Variants in TRAPPC12 observed in about 807,000 individuals in gnomAD.
The protein encoded by TRAPPC12 is TPR repeat protein 15.
In TRAPPC12, 61 loss-of-function variants were observed where a neutral mutation model predicts 69.2. That is an observed-to-expected ratio of 0.88 (90% CI 0.72 to 1.09). The LOEUF is 1.09. Among genes scored for constraint, TRAPPC12 ranks in the 50% least tolerant of loss-of-function variants. The probability of loss-of-function intolerance (pLI) is 0.00; values close to 1 mark genes in which losing one functional copy is unlikely to be tolerated. For synonymous variants in TRAPPC12, 469 were observed against 438.9 expected (o/e 1.07, Z -0.86); for missense variants, 1,101 against 1,016.4 (o/e 1.08, Z -1.13).
chr2:3,428,654 C>T (rs1663253098), intron 5 of TRAPPC12, among the ~76,000 whole-genome samples: 1 of 152,228 alleles, frequency 6.6e-6, no homozygotes, highest in Admixed American at 6.5e-5. Flanking sequence ...TCAAATCTAG[C>T]AATTTCAGTC....
At chr2:3,398,714 C>T (rs772437009) in intron 2 of TRAPPC12, among the ~76,000 whole-genome samples, 3 of 152,234 alleles carry the variant, frequency 2.0e-5, no homozygotes, top group Non-Finnish European at 4.4e-5. Flanking sequence ...GCCCTAACCG[C>T]CTGTCAGCCG....
intron 8 of TRAPPC12, chr2:3,462,809 C>A: frequency 4.6e-6 from 2 of 438,778 alleles, no homozygotes; most frequent in South Asian, 3.2e-5. Flanking sequence ...TGGGCCCCCC[C>A]TCCCCCGGGT....
At position 3,388,212 on chromosome 2, in the gene TRAPPC12, C is replaced by G; in HGVS notation, c.589C>G (p.Pro197Ala). 1 of 1,609,062 alleles carries G rather than the reference C, an allele frequency of 6.2e-7. No individual in the cohort carries two copies. The highest frequency in any genetic ancestry group is 8.5e-7 in the Non-Finnish European group (1 of 1,177,902). ...GASEASARTP[P>A]QVVQPSPSLS... The stretch of plus-strand genomic sequence containing the variant: ...CAGCGAGGCCTCGGCCAGGACACCG[C>G]CCCAGGTCGTGCAGCCCAGCCCCAG... The change falls in exon 2 of 12, where the codon CCC (proline) becomes GCC (alanine). Residue 197 changes from proline (P) to alanine (A), a missense_variant. Coordinates refer to ENST00000324266, the MANE Select transcript of TRAPPC12 (RefSeq NM_016030.6).
chr2:3,453,866 T>A (rs759598768), intron 6 of TRAPPC12, among the ~76,000 whole-genome samples: 1 of 152,230 alleles, frequency 6.6e-6, no homozygotes, highest in South Asian at 2.1e-4. Context: ...TGTAAATTAA[T>A]GTACTGTTAC....
At chr2:3,417,597 C>T (rs1000676228) in intron 3 of TRAPPC12, among the ~76,000 whole-genome samples, 4 of 152,252 alleles carry the variant, frequency 2.6e-5, no homozygotes, top group African/African-American at 7.2e-5. Flanking sequence ...TGTGTCCCCC[C>T]GAGCCTAGCA....
chr2:3,401,658 T>C (rs1240822803), intron 2 of TRAPPC12, 119 bp from the exon 3 acceptor site: 1 of 550,582 alleles, frequency 1.8e-6, no homozygotes, highest in Non-Finnish European at 3.2e-6. Context: ...CTATAACCGT[T>C]ACTTTTACCT....
chr2:3,417,808 C>T (rs1476161881), intron 3 of TRAPPC12, among the ~76,000 whole-genome samples: 1 of 151,952 alleles, frequency 6.6e-6, no homozygotes, highest in Non-Finnish European at 1.5e-5. Flanking sequence ...TTTGGGAGGC[C>T]GAGGCAGGCA....
Position 3,387,691 on chromosome 2 carries a change from C to A in TRAPPC12, c.68C>A (p.Pro23His). The A allele has an allele frequency of 6.4e-7, 1 of 1,573,262 alleles. No individual in the cohort carries two copies. Among genetic ancestry groups the A allele is most frequent in the Non-Finnish European group, 8.6e-7 (1 of 1,159,834 alleles). Residue 23 changes from proline (P) to histidine (H), a missense_variant, in exon 2 of 12, where the codon CCT becomes CAT. Pro to His is a moderately conservative substitution (Grantham distance 77). Transcript: ENST00000324266. Reference sequence around the variant, plus strand: ...GCCCCGCACCCCCCTCAGCTCGCGCCTCCGGAGGAGCAGGGGTTGCTCTTC... The same window carrying A: ...GCCCCGCACCCCCCTCAGCTCGCGCATCCGGAGGAGCAGGGGTTGCTCTTC... ...PEAPHPPQLA[P>H]PEEQGLLFQE...
At chr2:3,394,830 A>AT (rs35294274) in intron 2 of TRAPPC12, among the ~76,000 whole-genome samples, 33,868 of 152,096 alleles carry the variant, frequency 0.22, 3,981 homozygotes, top group African/African-American at 0.29. Flanking sequence ...CTAGTAAATT[A>AT]TGTTATAAAT....
chr2:3,447,795 T>C (rs1466558369), intron 6 of TRAPPC12, among the ~76,000 whole-genome samples: 6 of 152,208 alleles, frequency 3.9e-5, no homozygotes, highest in Non-Finnish European at 8.8e-5. Context: ...CCCTCTGCTC[T>C]CCACTGGTGA....
intron 2 of TRAPPC12, among the ~76,000 whole-genome samples, chr2:3,398,194 A>G (rs772553586): frequency 1.3e-5 from 2 of 152,132 alleles, no homozygotes; most frequent in East Asian, 1.9e-4. Flanking sequence ...GTTTGTGTCT[A>G]TGTGTTCTCA....
Position 3,461,876 on chromosome 2 carries a change from G to A in TRAPPC12, c.1677+1540G>A, listed in dbSNP as rs142474025. Among the ~76,000 whole-genome samples the A allele has an allele frequency of 5.9e-3, 892 of 152,274 alleles. 2 individuals are homozygous for A. Among genetic ancestry groups the A allele is most frequent in the Middle Eastern group, 0.027 (8 of 294 alleles). On this transcript the variant is annotated intron_variant, in intron 8 of 11. Transcript: ENST00000324266. ...GCTTGGCCAGCAACCAGGTGACCCC[G>A]AAGCACCCGGCCTGACCCCTCTGCC...
At chr2:3,463,566 A>G (rs1052920299) in intron 8 of TRAPPC12, among the ~76,000 whole-genome samples, 3 of 149,900 alleles carry the variant, frequency 2.0e-5, no homozygotes, top group Non-Finnish European at 3.0e-5. Flanking sequence ...GTCTTTTGTC[A>G]TACTAGATTA....
chr2:3,383,864 C>T (rs1309934369), intron 1 of TRAPPC12, among the ~76,000 whole-genome samples: 2 of 116,010 alleles, frequency 1.7e-5, no homozygotes, highest in Admixed American at 1.0e-4. Context: ...TGTGATAGTT[C>T]AGTCTTGTTT....
At chr2:3,475,693 G>T (rs918972195) in intron 9 of TRAPPC12, among the ~76,000 whole-genome samples, 2 of 152,204 alleles carry the variant, frequency 1.3e-5, no homozygotes, top group African/African-American at 4.8e-5. Context: ...AGGCCTTGCA[G>T]TGCGGAGGAT....
At chr2:3,424,442 C>T (rs1662982210) in intron 4 of TRAPPC12, 83 bp from the exon 5 acceptor site, 2 of 1,265,840 alleles carry the variant, frequency 1.6e-6, no homozygotes. Context: ...AAATTAACCT[C>T]TAACACCAAC....
intron 6 of TRAPPC12, among the ~76,000 whole-genome samples, chr2:3,453,326 G>A (rs10193454): frequency 0.19 from 29,296 of 152,114 alleles, 3,484 homozygotes; most frequent in African/African-American, 0.33. Flanking sequence ...GCTTCAACCC[G>A]TCGGGAACAG....
intron 5 of TRAPPC12, among the ~76,000 whole-genome samples, chr2:3,426,316 G>A (rs1663097805): frequency 6.6e-6 from 1 of 152,246 alleles, no homozygotes; most frequent in South Asian, 2.1e-4. Context: ...AAGCTAGGTA[G>A]CCACAGAGTC....
Position 3,460,350 on chromosome 2 carries a change from C to T in TRAPPC12, c.1677+14C>T, listed in dbSNP as rs374842401. 5.5e-5 allele frequency: 48 copies of T among 868,840 alleles called. No individual in the cohort carries two copies. Among genetic ancestry groups the T allele is most frequent in the Non-Finnish European group, 8.4e-5 (42 of 499,070 alleles). 53.8% of individuals were successfully genotyped at this position (868,840 alleles called of 1,614,324 possible). On this transcript the variant is annotated intron_variant, in intron 8 of 11. Coordinates refer to ENST00000324266, the MANE Select transcript of TRAPPC12 (RefSeq NM_016030.6). Reference sequence around the variant, plus strand: ...CTCCTGATGAAGGTACGTGGGTGGCCAAGCAGGGCTGCCATGTGATCTGGA... The same window carrying T: ...CTCCTGATGAAGGTACGTGGGTGGCTAAGCAGGGCTGCCATGTGATCTGGA...
Sources: gnomAD v4.1 joint callset for allele counts (sites outside exome capture counted in the v4.1 genomes callset) on GRCh38, gnomAD v4.1.1 for gene constraint, MANE v1.5 for transcripts, NCBI Gene and HGNC (gene_info 2026-07-23, HGNC 2026-07-21) for gene names.